The following EXOC4 variants were observed in gnomAD, a reference collection of about 807,000 sequenced individuals.
The protein encoded by EXOC4 is SEC8-like 1.
EXOC4 carries 71 observed loss-of-function variants against 107.2 expected under a neutral mutation model. The ratio of observed to expected loss-of-function variants is 0.66; its 90% CI spans 0.55 to 0.81. EXOC4 has a LOEUF of 0.81. EXOC4 is among the 30% of genes least tolerant of loss of function. The probability of loss-of-function intolerance (pLI) is 0.00; values close to 1 mark genes in which losing one functional copy is unlikely to be tolerated. For synonymous variants in EXOC4, 456 were observed against 441.2 expected, an observed-to-expected ratio of 1.03 and a Z score of -0.42; for missense variants, 1,108 against 1,189.6, an observed-to-expected ratio of 0.93 and a Z score of 1.01.
chr7:133,566,932 A>G (rs1800918010), intron 9 of EXOC4, among the ~76,000 whole-genome samples: 1 of 152,196 alleles, frequency 6.6e-6, no homozygotes, highest in Non-Finnish European at 1.5e-5. Context: ...TGGACACATA[A>G]ACAGAATCAT....
intron 11 of EXOC4, among the ~76,000 whole-genome samples, chr7:133,832,757 AT>A (rs1563018970): frequency 3.3e-5 from 5 of 152,188 alleles, no homozygotes; most frequent in African/African-American, 1.2e-4. Flanking sequence ...TAAAGCTGTT[AT>A]AAACACTTAT....
intron 10 of EXOC4, among the ~76,000 whole-genome samples, chr7:133,745,359 G>A (rs1166649640): frequency 2.6e-5 from 4 of 152,030 alleles, no homozygotes; most frequent in East Asian, 3.8e-4. Context: ...ATAATCTTTA[G>A]TAAGTTCTTT....
intron 13 of EXOC4, among the ~76,000 whole-genome samples, chr7:133,923,204 C>T (rs983471931): frequency 4.7e-5 from 7 of 150,500 alleles, no homozygotes; most frequent in African/African-American, 1.7e-4. Flanking sequence ...TCTCAGCCCA[C>T]TGCAACTGCC....
At chr7:133,505,653 T>G (rs183172955) in intron 9 of EXOC4, among the ~76,000 whole-genome samples, 13 of 152,292 alleles carry the variant, frequency 8.5e-5, no homozygotes, top group East Asian at 5.8e-4. Flanking sequence ...CCCATTCTGA[T>G]TCTTCTAAGA....
At chr7:133,464,743 A>G (rs1456308735) in intron 7 of EXOC4, among the ~76,000 whole-genome samples, 2 of 150,148 alleles carry the variant, frequency 1.3e-5, no homozygotes, top group African/African-American at 4.9e-5. Context: ...GTGTTAGTTA[A>G]TTAGTTAATT....
rs112956271 is a variant in EXOC4, at chr7:133,575,308, G to A, written c.1418-54737G>A. On this transcript the variant is annotated intron_variant, in intron 9 of 17. Transcript: ENST00000253861. ...TCAGCACACATTTATTTACCATGGT[G>A]GTGATAGTGGTGATAAGATTTTAGT... 2.8e-4 allele frequency among the ~76,000 whole-genome samples: 43 copies of A among 152,250 alleles called. No individual in the cohort carries two copies. The South Asian group carries it at 2.9e-3, about 10-fold the overall frequency.
intron 9 of EXOC4, among the ~76,000 whole-genome samples, chr7:133,557,660 T>C (rs1198941605): frequency 1.3e-5 from 2 of 152,198 alleles, no homozygotes; most frequent in African/African-American, 4.8e-5. Flanking sequence ...TGATCCTAAA[T>C]GCACAAATCC....
chr7:134,081,482 G>T, the EXOC4 span, among the ~76,000 whole-genome samples: 1 of 152,114 alleles, frequency 6.6e-6, no homozygotes, highest in Non-Finnish European at 1.5e-5. Context: ...TTTGATTATT[G>T]TTTGTCTTCC....
chr7:133,956,013 C>T (rs1379381469), intron 14 of EXOC4, among the ~76,000 whole-genome samples: 3 of 152,172 alleles, frequency 2.0e-5, no homozygotes, highest in African/African-American at 4.8e-5. Context: ...TGGGTGGCAG[C>T]AGCTGCACCT....
chr7:134,005,114 G>C (rs756031509), intron 16 of EXOC4, 24 bp downstream of exon 16: 1 of 1,590,198 alleles, frequency 6.3e-7, no homozygotes, highest in South Asian at 1.1e-5. Flanking sequence ...TCTGTCTCTG[G>C]GAGTTTGGGA....
intron 10 of EXOC4, among the ~76,000 whole-genome samples, chr7:133,637,486 G>T (rs1802740832): frequency 6.6e-6 from 1 of 152,122 alleles, no homozygotes. Context: ...ATGAGCTAAA[G>T]CCTATGTAGA....
At chr7:133,433,388 C>T (rs1436285928) in intron 7 of EXOC4, among the ~76,000 whole-genome samples, 1 of 152,174 alleles carries the variant, frequency 6.6e-6, no homozygotes, top group Non-Finnish European at 1.5e-5. Flanking sequence ...TATGCTTGTG[C>T]AGTTGGACTT....
intron 10 of EXOC4, among the ~76,000 whole-genome samples, chr7:133,764,498 G>A (rs1796097127): frequency 6.6e-6 from 1 of 152,020 alleles, no homozygotes; most frequent in African/African-American, 2.4e-5. Flanking sequence ...ACTTAGCCCA[G>A]GAGTGTGGTG....
intron 10 of EXOC4, among the ~76,000 whole-genome samples, chr7:133,681,829 A>G (rs1794193964): frequency 6.6e-6 from 1 of 152,176 alleles, no homozygotes; most frequent in African/African-American, 2.4e-5. Context: ...TTTTAGTTGT[A>G]AGGATTAAAT....
intron 10 of EXOC4, among the ~76,000 whole-genome samples, chr7:133,777,749 T>C (rs1252562221): frequency 6.6e-6 from 1 of 152,212 alleles, no homozygotes; most frequent in Non-Finnish European, 1.5e-5. Context: ...GGTTTCCTCA[T>C]GTGATATATG....
At chr7:133,932,654 T>C (rs1800206442) in intron 13 of EXOC4, among the ~76,000 whole-genome samples, 1 of 152,198 alleles carries the variant, frequency 6.6e-6, no homozygotes, top group Non-Finnish European at 1.5e-5. Context: ...AGCATGCATT[T>C]CCCAAGAAGA....
chr7:133,971,361 T>TATATATAGAGAGAGAGAGAGAG (rs1489958236), intron 14 of EXOC4, among the ~76,000 whole-genome samples: 2 of 75,092 alleles, frequency 2.7e-5, no homozygotes, highest in African/African-American at 6.1e-5. Context: ...TATATATATA[T>TATATATAGAGAGAGAGAGAGAG]AGAGAGAGAG....
chr7:133,974,428 A>G (rs933885135), intron 14 of EXOC4, among the ~76,000 whole-genome samples: 7 of 152,214 alleles, frequency 4.6e-5, no homozygotes, highest in Admixed American at 4.6e-4. Context: ...TATCCAAATT[A>G]TTTAGTTGAA....
At position 133,515,494 on chromosome 7, in the gene EXOC4, T is replaced by C. The variant is rs965946027; in HGVS notation, c.1417+35356T>C. ...GTGAGAGAGAAAGAGAGAGAGAGAC[T>C]GTTTCATTCTGTTACCTTGGCTGGA... On this transcript the variant is annotated intron_variant, in intron 9 of 17. Coordinates refer to ENST00000253861, the MANE Select transcript of EXOC4 (RefSeq NM_021807.4). Among the ~76,000 whole-genome samples, 4 of 152,190 alleles carry C rather than the reference T, an allele frequency of 2.6e-5. No individual in the cohort carries two copies. In the East Asian group the frequency reaches 7.7e-4, roughly 29 times the overall value.
Sources: allele counts gnomAD v4.1 joint callset (sites outside exome capture counted in the v4.1 genomes callset), GRCh38; gene constraint gnomAD v4.1.1; transcripts MANE v1.5; gene names NCBI Gene and HGNC (gene_info 2026-07-23, HGNC 2026-07-21).